Variants in PTPRK observed in about 807,000 individuals in gnomAD.
PTPRK encodes protein tyrosine phosphatase receptor type K, also known as receptor-type tyrosine-protein phosphatase kappa.
In PTPRK, 75 loss-of-function variants were observed where a neutral mutation model predicts 178.0. The ratio of observed to expected loss-of-function variants is 0.42; its 90% CI spans 0.35 to 0.51. The LOEUF is 0.51. PTPRK is among the 20% of genes least tolerant of loss of function. The pLI, the probability that PTPRK is intolerant of heterozygous loss-of-function variation, is 0.02. For synonymous variants in PTPRK, 637 were observed against 620.6 expected (o/e 1.03, Z -0.39); for missense variants, 1,441 against 1,797.8 (o/e 0.80, Z 3.59).
intron 2 of PTPRK, among the ~76,000 whole-genome samples, chr6:128,396,908 G>T (rs1840384278): frequency 6.6e-6 from 1 of 152,106 alleles, no homozygotes; most frequent in South Asian, 2.1e-4. Context: ...TAAGGCAGGG[G>T]AATCACTTGA....
intron 1 of PTPRK, among the ~76,000 whole-genome samples, chr6:128,454,360 A>C (rs986247553): frequency 6.6e-6 from 1 of 152,228 alleles, no homozygotes; most frequent in Non-Finnish European, 1.5e-5. Flanking sequence ...ATTTAAAAAG[A>C]GTTATCTAAA....
At chr6:128,106,106 CA>C (rs1310175526) in intron 7 of PTPRK, among the ~76,000 whole-genome samples, 3 of 151,808 alleles carry the variant, frequency 2.0e-5, no homozygotes, top group Non-Finnish European at 4.4e-5. Flanking sequence ...ATGAGAAAAA[CA>C]AAAAACTAGT....
At chr6:128,435,072 G>A (rs1404544502) in intron 1 of PTPRK, among the ~76,000 whole-genome samples, 1 of 104,026 alleles carries the variant, frequency 9.6e-6, no homozygotes, top group Non-Finnish European at 1.8e-5. Context: ...AAGGAAGGAA[G>A]GAAGGAAGGA....
intron 2 of PTPRK, among the ~76,000 whole-genome samples, chr6:128,370,576 G>A (rs1004596610): frequency 2.6e-5 from 4 of 151,790 alleles, no homozygotes; most frequent in Admixed American, 6.6e-5. Flanking sequence ...CTACTTAAAT[G>A]AGCATTACTT....
chr6:128,134,780 G>A (rs1374237952), intron 7 of PTPRK, among the ~76,000 whole-genome samples: 10 of 151,974 alleles, frequency 6.6e-5, no homozygotes, highest in Admixed American at 6.6e-4. Flanking sequence ...CTCCAGCCTG[G>A]GTGACAGAGT....
intron 7 of PTPRK, among the ~76,000 whole-genome samples, chr6:128,151,632 A>T (rs945636998): frequency 2.0e-5 from 3 of 152,088 alleles, no homozygotes; most frequent in Admixed American, 6.6e-5. Flanking sequence ...AGTAACATTC[A>T]AATAAAGATT....
chr6:128,502,864 G>A (rs866422920), intron 1 of PTPRK, among the ~76,000 whole-genome samples: 5 of 152,160 alleles, frequency 3.3e-5, no homozygotes, highest in Middle Eastern at 6.8e-3. Context: ...TGTGTTCAGT[G>A]ATGTCACATT....
At chr6:128,423,511 T>C (rs1477979985) in intron 1 of PTPRK, among the ~76,000 whole-genome samples, 1 of 148,956 alleles carries the variant, frequency 6.7e-6, no homozygotes, top group Non-Finnish European at 1.5e-5. Context: ...AAGACTTATT[T>C]CAATTTATTT....
intron 7 of PTPRK, among the ~76,000 whole-genome samples, chr6:128,150,580 C>T (rs1161768776): frequency 1.3e-5 from 2 of 152,110 alleles, no homozygotes; most frequent in Admixed American, 6.6e-5. Context: ...CAAGACTTCT[C>T]TGCTTCCTTG....
At chr6:128,147,921 T>A (rs1796717211) in intron 7 of PTPRK, among the ~76,000 whole-genome samples, 2 of 152,156 alleles carry the variant, frequency 1.3e-5, no homozygotes, top group Admixed American at 1.3e-4. Context: ...AATCTTAAAA[T>A]GTACAGATTC....
intron 7 of PTPRK, among the ~76,000 whole-genome samples, chr6:128,116,512 T>G (rs1192385067): frequency 6.6e-6 from 1 of 152,190 alleles, no homozygotes; most frequent in East Asian, 1.9e-4. Flanking sequence ...CAGATAAGAT[T>G]TGGCAGATAA....
intron 1 of PTPRK, among the ~76,000 whole-genome samples, chr6:128,430,593 A>C (rs937746034): frequency 2.6e-5 from 4 of 152,224 alleles, no homozygotes; most frequent in African/African-American, 9.6e-5. Context: ...CAGCTTATGC[A>C]CTTGCATGAG....
intron 7 of PTPRK, among the ~76,000 whole-genome samples, chr6:128,145,960 A>G (rs1216728535): frequency 6.6e-6 from 1 of 152,178 alleles, no homozygotes; most frequent in Non-Finnish European, 1.5e-5. Flanking sequence ...TATTCTGGAA[A>G]ATGCTTCTTC....
rs776924050 is a variant in PTPRK, at chr6:128,124,883, T to C, written c.1163-34891A>G. Among the ~76,000 whole-genome samples the C allele has an allele frequency of 3.9e-5, 6 of 152,326 alleles. No individual in the cohort carries two copies. In the South Asian group the frequency reaches 1.2e-3, roughly 32 times the overall value. On this transcript the variant is annotated intron_variant, in intron 7 of 29. Transcript: ENST00000368226. The stretch of plus-strand genomic sequence containing the variant: ...TTCATTTGCAACACTGGCTCCTCCA[T>C]GAGTCATGAGCCTGCTGCCCTTTGA...
chr6:128,333,301 G>A (rs984434902), intron 2 of PTPRK, among the ~76,000 whole-genome samples: 3 of 152,158 alleles, frequency 2.0e-5, no homozygotes, highest in Non-Finnish European at 4.4e-5. Flanking sequence ...AAGGTCTAAA[G>A]AGAATGAGTG....
chr6:128,515,681 C>A (rs1857889010), intron 1 of PTPRK, among the ~76,000 whole-genome samples: 1 of 152,174 alleles, frequency 6.6e-6, no homozygotes, highest in East Asian at 1.9e-4. Context: ...CACATACACA[C>A]ACTCACACAC....
Position 128,005,315 on chromosome 6 carries a change from T to C in PTPRK, c.2334-71A>G, listed in dbSNP as rs1400343287. On this transcript the variant is annotated intron_variant, in intron 14 of 29. Coordinates refer to ENST00000368226, the MANE Select transcript of PTPRK (RefSeq NM_002844.4). ...CAGGAGAGTTAACACCAGCAATAAA[T>C]AGTCCAGGTGAGCCCGAGGATAATG... 1.1e-5 allele frequency: 16 copies of C among 1,487,440 alleles called. No homozygotes were observed. The South Asian group carries it at 1.9e-4, about 18-fold the overall frequency. The allele number at this position is 1,487,440 out of a possible 1,614,324, so 92.1% of individuals were successfully genotyped here.
At chr6:128,218,358 T>G (rs904840829) in intron 6 of PTPRK, among the ~76,000 whole-genome samples, 1 of 152,232 alleles carries the variant, frequency 6.6e-6, no homozygotes, top group Non-Finnish European at 1.5e-5. Context: ...ACTACAAATA[T>G]GTACTGATAT....
intron 22 of PTPRK, among the ~76,000 whole-genome samples, chr6:127,983,848 T>G (rs1183642422): frequency 6.6e-6 from 1 of 151,820 alleles, no homozygotes; most frequent in Non-Finnish European, 1.5e-5. Flanking sequence ...GAAAATTAAT[T>G]CCCAAAACTT....
Sources: gnomAD v4.1 joint callset for allele counts (sites outside exome capture counted in the v4.1 genomes callset) on GRCh38, gnomAD v4.1.1 for gene constraint, MANE v1.5 for transcripts, NCBI Gene and HGNC (gene_info 2026-07-23, HGNC 2026-07-21) for gene names.